SINHCAF: variants seen among roughly 807,000 people sequenced by gnomAD.
SINHCAF encodes SIN3-HDAC complex-associated factor.
SINHCAF carries 3 observed loss-of-function variants against 25.8 expected under a neutral mutation model. The ratio of observed to expected loss-of-function variants is 0.12; its 90% CI spans 0.05 to 0.30. The LOEUF is 0.30. Among genes scored for constraint, SINHCAF ranks in the 10% least tolerant of loss-of-function variants. The probability of loss-of-function intolerance (pLI) is 1.00; values close to 1 mark genes in which losing one functional copy is unlikely to be tolerated. For synonymous variants in SINHCAF, 70 were observed against 85.5 expected, an observed-to-expected ratio of 0.82 and a Z score of 1.00; for missense variants, 121 against 262.3, an observed-to-expected ratio of 0.46 and a Z score of 3.72.
chr12:31,287,891 G>A, intron 4 of SINHCAF, 107 bp from the exon 5 acceptor site: 1 of 675,986 alleles, frequency 1.5e-6, no homozygotes, highest in Non-Finnish European at 2.3e-6. Flanking sequence ...AAAAGAAAAA[G>A]TAAAAAATAA....
chr12:31,313,096 C>G (rs949316437), intron 1 of SINHCAF, among the ~76,000 whole-genome samples: 1 of 152,192 alleles, frequency 6.6e-6, no homozygotes, highest in Admixed American at 6.5e-5. Flanking sequence ...ACGATCTCGG[C>G]TCACTGCAAC....
At chr12:31,289,985 C>T (rs1397438931) in intron 4 of SINHCAF, among the ~76,000 whole-genome samples, 8 of 151,834 alleles carry the variant, frequency 5.3e-5, no homozygotes, top group Non-Finnish European at 5.9e-5. Flanking sequence ...CCACCACACT[C>T]GGCTGGTTAT....
chr12:31,311,943 G>T, intron 1 of SINHCAF: 1 of 606,888 alleles, frequency 1.6e-6, no homozygotes, highest in South Asian at 1.4e-5. Flanking sequence ...GTGGCCTTTT[G>T]ATTGGTCCTG....
At chr12:31,323,176 T>C (rs1939771689) in intron 1 of SINHCAF, among the ~76,000 whole-genome samples, 1 of 152,178 alleles carries the variant, frequency 6.6e-6, no homozygotes, top group Non-Finnish European at 1.5e-5. Context: ...GAGTCACGCA[T>C]ACCTTTCGCC....
At chr12:31,299,740 T>G (rs1938708766) in intron 1 of SINHCAF, among the ~76,000 whole-genome samples, 1 of 152,232 alleles carries the variant, frequency 6.6e-6, no homozygotes, top group African/African-American at 2.4e-5. Context: ...AGTACAGTCA[T>G]GTGTTGCTTA....
At chr12:31,285,282 G>C (rs142552420) in intron 5 of SINHCAF, among the ~76,000 whole-genome samples, 139 of 151,982 alleles carry the variant, frequency 9.1e-4, no homozygotes, top group African/African-American at 3.0e-3. Flanking sequence ...CAGCTACTCC[G>C]GAGGCTGAGA....
chr12:31,323,387 G>T (rs1028813788), intron 1 of SINHCAF, among the ~76,000 whole-genome samples: 2 of 152,132 alleles, frequency 1.3e-5, no homozygotes, highest in African/African-American at 4.8e-5. Context: ...AGCGTACTCT[G>T]AATAACAAGG....
At chr12:31,295,841 C>T (rs1415063012) in intron 2 of SINHCAF, among the ~76,000 whole-genome samples, 2 of 151,278 alleles carry the variant, frequency 1.3e-5, no homozygotes, top group Admixed American at 1.3e-4. Context: ...CACTGCACTC[C>T]AGCCTGGGCA....
chr12:31,295,964 T>C (rs1024664614), intron 2 of SINHCAF, among the ~76,000 whole-genome samples: 1 of 151,806 alleles, frequency 6.6e-6, no homozygotes, highest in Non-Finnish European at 1.5e-5. Context: ...GAAGATCACT[T>C]GAGTGCAGGA....
chr12:31,286,328 C>G (rs996317556), intron 5 of SINHCAF, among the ~76,000 whole-genome samples: 3 of 151,524 alleles, frequency 2.0e-5, no homozygotes, highest in African/African-American at 7.3e-5. Flanking sequence ...TGTCAAACTC[C>G]TTCTTTGCAC....
chr12:31,291,943 T>C (rs1164174315), intron 4 of SINHCAF, among the ~76,000 whole-genome samples: 2 of 152,236 alleles, frequency 1.3e-5, no homozygotes, highest in Admixed American at 6.5e-5. Flanking sequence ...ATACTGTACC[T>C]GGTGAACACC....
rs1389191281 is a variant in SINHCAF, at chr12:31,324,774, T to G, written c.-21+1250A>C. On this transcript the variant is annotated intron_variant, in intron 1 of 5. Coordinates refer to ENST00000337682, the MANE Select transcript of SINHCAF (RefSeq NM_001135812.2). The surrounding 1 kb of genome is among the most constrained non-coding windows in gnomAD (Gnocchi z 5.5). ...GGTCCGGACCCCGCGCCCCGAAGAG[T>G]CCGGAGCCTGGCCCCCCGACCCTCC... The G allele has an allele frequency of 3.6e-5, 13 of 357,310 alleles. No individual in the cohort carries two copies. The Admixed American group carries it at 4.8e-4, about 13-fold the overall frequency. 22.1% of individuals were successfully genotyped at this position (357,310 alleles called of 1,614,324 possible).
chr12:31,319,364 T>C (rs913943825), intron 1 of SINHCAF, among the ~76,000 whole-genome samples: 2 of 152,148 alleles, frequency 1.3e-5, no homozygotes, highest in African/African-American at 4.8e-5. Context: ...CCGTTTCTAC[T>C]AAAAATACAA....
At chr12:31,289,806 T>G (rs1252283799) in intron 4 of SINHCAF, among the ~76,000 whole-genome samples, 2 of 152,164 alleles carry the variant, frequency 1.3e-5, no homozygotes, top group East Asian at 1.9e-4. Context: ...TTGGGTTTTT[T>G]TTTTTTTTTA....
intron 1 of SINHCAF, chr12:31,298,659 T>C: frequency 4.3e-6 from 1 of 229,932 alleles, no homozygotes; most frequent in Non-Finnish European, 8.7e-6. Flanking sequence ...TTTTGAGCAT[T>C]TACCATGAAT....
chr12:31,309,793 G>C (rs758934639), intron 1 of SINHCAF, among the ~76,000 whole-genome samples: 13 of 151,690 alleles, frequency 8.6e-5, no homozygotes, highest in Non-Finnish European at 1.8e-4. Context: ...AGCCTCCGGA[G>C]TAGCTGGGAT....
intron 5 of SINHCAF, among the ~76,000 whole-genome samples, chr12:31,287,263 TC>T (rs1450826245): frequency 6.6e-6 from 1 of 152,226 alleles, no homozygotes; most frequent in African/African-American, 2.4e-5. Flanking sequence ...AAGTCTCTTT[TC>T]TCTTTCCTAA....
chr12:31,285,458 A>ACACACAC (rs1565488068), intron 5 of SINHCAF, among the ~76,000 whole-genome samples: 4 of 67,042 alleles, frequency 6.0e-5, no homozygotes, highest in Admixed American at 1.4e-4. Flanking sequence ...CACACACATA[A>ACACACAC]ATAAATGTTA....
At position 31,295,297 on chromosome 12, in the gene SINHCAF, G is replaced by T; in HGVS notation, c.165C>A (p.Ala55=). ...HETRSGDICN[A]CVLLVKRWKK... ...TCCATCTTTTCACAAGCAGGACACA[G>T]GCATTGCAGATGTCTCCTGAACGAG... is the stretch of plus-strand genomic sequence containing the variant. Residue 55 remains alanine (A), a synonymous_variant, in exon 3 of 6, where the codon GCC becomes GCA. Coordinates refer to ENST00000337682, the MANE Select transcript of SINHCAF (RefSeq NM_001135812.2). The T allele has an allele frequency of 6.2e-7, 1 of 1,610,248 alleles. No individual in the cohort carries two copies. The highest frequency in any genetic ancestry group is 2.2e-5 in the East Asian group (1 of 44,802).
Sources: gnomAD v4.1 joint callset for allele counts (sites outside exome capture counted in the v4.1 genomes callset) on GRCh38, gnomAD v4.1.1 for gene constraint, Gnocchi (gnomAD v3.1) non-coding constraint, MANE v1.5 for transcripts, NCBI Gene and HGNC (gene_info 2026-07-23, HGNC 2026-07-21) for gene names.